The following CAVIN4 variants were observed in gnomAD, a reference collection of about 807,000 sequenced individuals.
CAVIN4 encodes caveolae-associated protein 4.
In CAVIN4, 10 loss-of-function variants were observed where a neutral mutation model predicts 18.6. The ratio of observed to expected loss-of-function variants is 0.54; its 90% confidence interval spans 0.33 to 0.91. The LOEUF (loss-of-function observed/expected upper bound fraction) is 0.91, where lower values mean the gene tolerates loss of function less well. Among genes scored for constraint, CAVIN4 ranks in the 40% least tolerant of loss-of-function variants. The pLI is 0.02. For synonymous variants in CAVIN4, 173 were observed against 164.8 expected, an observed-to-expected ratio of 1.05 and a Z score of -0.38; for missense variants, 459 against 440.5, an observed-to-expected ratio of 1.04 and a Z score of -0.38.
intron 1 of CAVIN4, 113 bp from the exon 2 acceptor site, chr9:100,585,651 AG>A: frequency 1.2e-6 from 1 of 807,598 alleles, no homozygotes; most frequent in Non-Finnish European, 2.1e-6. Context: ...ACATTTAAGG[AG>A]CAGGCAGAGG....
chr9:100,585,269 T>C (rs1232667805), intron 1 of CAVIN4, among the ~76,000 whole-genome samples: 1 of 152,030 alleles, frequency 6.6e-6, no homozygotes, highest in African/African-American at 2.4e-5. Flanking sequence ...TGGTGGCTGG[T>C]TGGATATGGA....
At chr9:100,581,735 G>A (rs1406065098) in intron 1 of CAVIN4, among the ~76,000 whole-genome samples, 1 of 152,132 alleles carries the variant, frequency 6.6e-6, no homozygotes, top group Non-Finnish European at 1.5e-5. Context: ...TTTCTTCACA[G>A]CAAGATTGTG....
At position 100,578,199 on chromosome 9, in the gene CAVIN4, C is replaced by G. The variant is rs375508129; in HGVS notation, c.56C>G (p.Ser19Trp). 1 of 1,613,796 alleles carries G rather than the reference C, an allele frequency of 6.2e-7. No homozygotes were observed. Among genetic ancestry groups the G allele is most frequent in the Admixed American group, 1.7e-5 (1 of 59,992 alleles). Residue 19 changes from serine (S) to tryptophan (W), a missense_variant, in exon 1 of 2, where the codon TCG becomes TGG. Physicochemically the swap from Ser to Trp is radical, Grantham distance 177. Coordinates refer to ENST00000307584, the MANE Select transcript of CAVIN4 (RefSeq NM_001018116.2). ...GATAAAATCCACCAGAATCGCCTGT[C>G]GAGTGTTACAGAAGATGAAGACCAA... ...NADKIHQNRL[S>W]SVTEDEDQDA...
rs1320617363 is a variant in CAVIN4 at position 100,587,209 on chromosome 9, G to A, written c.*758G>A. ...CAGAAGCCTTTTCACAGAATCAAGA[G>A]TGAAAAATAAGTAAATGTTTGGGTG... On this transcript the variant is annotated 3_prime_UTR_variant, in exon 2 of 2. Transcript: ENST00000307584. 1 of 152,144 alleles carries A rather than the reference G, an allele frequency of 6.6e-6. No homozygotes were observed. Among genetic ancestry groups the A allele is most frequent in the Admixed American group, 6.6e-5 (1 of 15,258 alleles). The allele number at this position is 152,144 out of a possible 1,614,324, so 9.4% of individuals were successfully genotyped here.
chr9:100,585,688 G>C, intron 1 of CAVIN4, 77 bp from the exon 2 acceptor site: 1 of 1,110,420 alleles, frequency 9.0e-7, no homozygotes, highest in Non-Finnish European at 1.4e-6. Flanking sequence ...AGATTTACAA[G>C]GCATGGCCAG....
At chr9:100,579,697 T>A (rs921708412) in intron 1 of CAVIN4, among the ~76,000 whole-genome samples, 4 of 152,332 alleles carry the variant, frequency 2.6e-5, no homozygotes, top group Admixed American at 2.0e-4. Flanking sequence ...GTGTTATTTT[T>A]AAAAATGACA....
At chr9:100,580,294 G>GA (rs929279846) in intron 1 of CAVIN4, among the ~76,000 whole-genome samples, 1 of 151,558 alleles carries the variant, frequency 6.6e-6, no homozygotes, top group Non-Finnish European at 1.5e-5. Context: ...CCTGTCTTAA[G>GA]AAAAAAAATT....
Position 100,587,881 on chromosome 9 carries a change from C to T in CAVIN4, c.*1430C>T, listed in dbSNP as rs1390765143. 6.6e-6 allele frequency: 1 copy of T among 151,456 alleles called. No homozygotes were observed. The highest frequency in any genetic ancestry group is 1.5e-5 in the Non-Finnish European group (1 of 67,834). 9.4% of individuals were successfully genotyped at this position (151,456 alleles called of 1,614,324 possible). A position where few individuals can be genotyped will look rare whatever the true frequency, so the allele number is the denominator to read the frequency against. Reference sequence around the variant, plus strand: ...CTCAAGCCTGGGCAAAAGAGCCAGACTCTGTTTCAAAAAAAAAGAAAAAAA... The same window carrying T: ...CTCAAGCCTGGGCAAAAGAGCCAGATTCTGTTTCAAAAAAAAAGAAAAAAA... On this transcript the variant is annotated 3_prime_UTR_variant, in exon 2 of 2. Transcript: ENST00000307584.
rs184564994 is a variant in CAVIN4 at position 100,579,841 on chromosome 9, C to T, written c.408+1290C>T. Among the ~76,000 whole-genome samples the T allele has an allele frequency of 1.4e-4, 21 of 152,220 alleles. 1 individual carries two copies. Among genetic ancestry groups the T allele is most frequent in the South Asian group, 4.1e-4 (2 of 4,820 alleles). The stretch of plus-strand genomic sequence containing the variant: ...ACGAGGGATGTGGCCCATAACTCCC[C>T]GTGGCATTCTTTACACATTAGGCAA... On this transcript the variant is annotated intron_variant, in intron 1 of 1. Transcript: ENST00000307584.
rs1839480147 is a variant in CAVIN4, at chr9:100,586,359, C to CCCA, written c.1006_1008dup (p.Thr336dup). The stretch of plus-strand genomic sequence containing the variant: ...TCCTCCCCATGAAGGAAGGGAAATC[C>CCCA]CCACCCCCGAGCCTTTAAAAGTTAC... On this transcript the variant is annotated inframe_insertion, in exon 2 of 2. Transcript: ENST00000307584. The CCCA allele has an allele frequency of 2.5e-6, 4 of 1,613,940 alleles. No homozygotes were observed. Among genetic ancestry groups the CCCA allele is most frequent in the Non-Finnish European group, 3.4e-6 (4 of 1,179,980 alleles).
chr9:100,582,260 G>A (rs1208734697), intron 1 of CAVIN4, among the ~76,000 whole-genome samples: 2 of 151,984 alleles, frequency 1.3e-5, no homozygotes, highest in African/African-American at 4.8e-5. Flanking sequence ...GGCTCTCAAG[G>A]TTTCCAGTGT....
rs1416477496 is a variant in CAVIN4, at chr9:100,588,226, CG to C, written c.*1776del. ...GCATGAATACATGAAATCATAATAT[CG>C]TTCATGTTGTTACCTTTTTATATTG... On this transcript the variant is annotated 3_prime_UTR_variant, in exon 2 of 2. Transcript: ENST00000307584. Among the ~76,000 whole-genome samples, 1 of 152,148 alleles carries C rather than the reference CG, an allele frequency of 6.6e-6. No individual in the cohort carries two copies. Among genetic ancestry groups the C allele is most frequent in the Non-Finnish European group, 1.5e-5 (1 of 68,034 alleles).
intron 1 of CAVIN4, 66 bp downstream of exon 1, chr9:100,578,617 A>T (rs187805475): frequency 6.7e-7 from 1 of 1,492,360 alleles, no homozygotes; most frequent in African/African-American, 1.4e-5. Context: ...GCCAAAAGTC[A>T]TATCAGAGGT....
In CAVIN4 at chr9:100,587,682, C is replaced by G. The variant is rs1839497059; in HGVS notation, c.*1231C>G. The G allele has an allele frequency of 6.6e-6, 1 of 152,242 alleles. No individual in the cohort carries two copies. The highest frequency in any genetic ancestry group is 1.5e-5 in the Non-Finnish European group (1 of 68,116). The allele number at this position is 152,242 out of a possible 1,614,324, so 9.4% of individuals were successfully genotyped here. A position where few individuals can be genotyped will look rare whatever the true frequency, so the allele number is the denominator to read the frequency against. On this transcript the variant is annotated 3_prime_UTR_variant, in exon 2 of 2. Transcript: ENST00000307584. ...CCGAGGTGGGTGAATCACCTGAGGT[C>G]AGAAGTTCACGACCAGCCTGACCAA...
At chr9:100,581,614 G>A (rs1373156457) in intron 1 of CAVIN4, among the ~76,000 whole-genome samples, 1 of 152,150 alleles carries the variant, frequency 6.6e-6, no homozygotes, top group Non-Finnish European at 1.5e-5. Flanking sequence ...TGCGTAACAA[G>A]TACTTTTTTC....
At chr9:100,580,258 C>T (rs1435056667) in intron 1 of CAVIN4, among the ~76,000 whole-genome samples, 1 of 151,918 alleles carries the variant, frequency 6.6e-6, no homozygotes, top group Non-Finnish European at 1.5e-5. Flanking sequence ...TGTGCCACTG[C>T]ACTCCAGCGT....
chr9:100,580,262 C>T (rs182114621), intron 1 of CAVIN4, among the ~76,000 whole-genome samples: 3 of 151,846 alleles, frequency 2.0e-5, no homozygotes, highest in Admixed American at 2.0e-4. Flanking sequence ...CCACTGCACT[C>T]CAGCGTGGGT....
chr9:100,580,830 C>T (rs191725737), intron 1 of CAVIN4, among the ~76,000 whole-genome samples: 7 of 152,170 alleles, frequency 4.6e-5, no homozygotes, highest in Admixed American at 1.3e-4. Flanking sequence ...TGGAACAGCT[C>T]GTAGAGAAAA....
chr9:100,577,313 G>C (rs866573501), upstream of CAVIN4: 1 of 152,554 alleles, frequency 6.6e-6, no homozygotes, highest in Admixed American at 6.5e-5. Flanking sequence ...CATTTTTAAA[G>C]AAAATGTTTG....
Sources: allele counts gnomAD v4.1 joint callset (sites outside exome capture counted in the v4.1 genomes callset), GRCh38; gene constraint gnomAD v4.1.1; transcripts MANE v1.5; gene names NCBI Gene and HGNC (gene_info 2026-07-23, HGNC 2026-07-21).